The following TMOD1 variants were observed in gnomAD, a reference collection of about 807,000 sequenced individuals.
The protein encoded by TMOD1 is tropomodulin-1.
TMOD1 carries 17 observed loss-of-function variants against 40.6 expected under a neutral mutation model. That is an observed-to-expected ratio of 0.42 (90% CI 0.29 to 0.63). The LOEUF (loss-of-function observed/expected upper bound fraction) is 0.63. Among genes scored for constraint, TMOD1 ranks in the 20% least tolerant of loss-of-function variants. The probability of loss-of-function intolerance (pLI) is 0.22; values close to 1 mark genes in which losing one functional copy is unlikely to be tolerated. For synonymous variants in TMOD1, 181 were observed against 175.0 expected, an observed-to-expected ratio of 1.03 and a Z score of -0.27; for missense variants, 391 against 447.6, an observed-to-expected ratio of 0.87 and a Z score of 1.14.
chr9:97,553,379 G>A lies in TMOD1; in HGVS notation c.376G>A (p.Ala126Thr). The A allele has an allele frequency of 6.2e-7, 1 of 1,614,228 alleles. No individual in the cohort carries two copies. The highest frequency in any genetic ancestry group is 8.5e-7 in the Non-Finnish European group (1 of 1,180,034). Residue 126 changes from alanine to threonine, a missense_variant, in exon 4 of 10, where the codon GCA becomes ACA. Physicochemically the swap from Ala to Thr is moderately conservative, Grantham distance 58 (BLOSUM62 0). Coordinates refer to ENST00000259365, the MANE Select transcript of TMOD1 (RefSeq NM_003275.4). ...LEEALANASD[A>T]ELCDIAAILG... ...GGAAGCCTTGGCAAATGCTTCAGATGCAGAACTCTGTGACATTGCAGGTAA... is the reference window on the plus strand; with the variant it reads ...GGAAGCCTTGGCAAATGCTTCAGATACAGAACTCTGTGACATTGCAGGTAA...
At chr9:97,527,198 A>G (rs555808853) in intron 2 of TMOD1, among the ~76,000 whole-genome samples, 3 of 152,362 alleles carry the variant, frequency 2.0e-5, no homozygotes, top group South Asian at 4.1e-4. Context: ...TTCTAATTCT[A>G]TCCTAGATCA....
Position 97,524,120 on chromosome 9 carries a change from A to C in TMOD1, c.-48-21A>C, listed in dbSNP as rs1829959720. The stretch of plus-strand genomic sequence containing the variant: ...AGCAAATCTGAGACGGGTCTTTCTA[A>C]GGTTCTTGTCTTTCTGGTAGGTATT... On this transcript the variant is annotated intron_variant, in intron 1 of 9. Transcript: ENST00000259365. 3.9e-6 allele frequency: 6 copies of C among 1,540,228 alleles called. No individual in the cohort carries two copies. The South Asian group carries it at 6.4e-5, about 16-fold the overall frequency.
intron 3 of TMOD1, among the ~76,000 whole-genome samples, chr9:97,551,554 T>C (rs369590340): frequency 2.5e-4 from 38 of 152,352 alleles, no homozygotes; most frequent in African/African-American, 7.9e-4. Context: ...TTCTATTTCA[T>C]TGTCTATCTA....
intron 1 of TMOD1, among the ~76,000 whole-genome samples, chr9:97,503,871 T>TGGAGAG: frequency 6.6e-6 from 1 of 151,682 alleles, no homozygotes; most frequent in African/African-American, 2.4e-5. Flanking sequence ...GGACCTGGAG[T>TGGAGAG]GGAGAGGGCT....
intron 1 of TMOD1, among the ~76,000 whole-genome samples, chr9:97,510,057 G>T (rs74306820): frequency 6.6e-6 from 1 of 151,788 alleles, no homozygotes; most frequent in African/African-American, 2.4e-5. Context: ...CCAGCTTGCC[G>T]TTTGCTTTTT....
intron 1 of TMOD1, among the ~76,000 whole-genome samples, chr9:97,511,545 C>T (rs144067782): frequency 2.4e-3 from 361 of 152,300 alleles, no homozygotes; most frequent in African/African-American, 8.3e-3. Flanking sequence ...CACTACTTCC[C>T]GGCTTAGCCC....
intron 4 of TMOD1, among the ~76,000 whole-genome samples, chr9:97,558,726 G>A (rs1319158967): frequency 6.6e-6 from 1 of 152,218 alleles, no homozygotes; most frequent in Non-Finnish European, 1.5e-5. Context: ...TTACAGGCAT[G>A]AGCCACTGTG....
chr9:97,579,753 A>G (rs1415198738), intron 8 of TMOD1, among the ~76,000 whole-genome samples: 2 of 152,230 alleles, frequency 1.3e-5, no homozygotes, highest in Admixed American at 1.3e-4. Context: ...CTATAGAGGC[A>G]GGTGACCCAA....
At chr9:97,524,415 G>C in intron 2 of TMOD1, 107 bp downstream of exon 2, 1 of 1,383,426 alleles carries the variant, frequency 7.2e-7, no homozygotes, top group Non-Finnish European at 9.8e-7. Flanking sequence ...CCATGGCAAT[G>C]ACATTGGTAT....
chr9:97,592,389 A>G (rs910089594), intron 9 of TMOD1, among the ~76,000 whole-genome samples: 1 of 151,934 alleles, frequency 6.6e-6, no homozygotes, highest in Non-Finnish European at 1.5e-5. Flanking sequence ...GCCAAGTTAC[A>G]TTATTCTTAT....
rs181306610 is a variant in TMOD1, at chr9:97,518,264, G to A, written c.-48-5877G>A. 9.4e-4 allele frequency among the ~76,000 whole-genome samples: 143 copies of A among 151,526 alleles called. 1 individual carries two copies. The highest frequency in any genetic ancestry group is 1.6e-3 in the East Asian group (8 of 5,144). On this transcript the variant is annotated intron_variant, in intron 1 of 9. Coordinates refer to ENST00000259365, the MANE Select transcript of TMOD1 (RefSeq NM_003275.4). ...GGAAATTTGGATCCAGACATGTGCAGAGGGTAGACACTGCGAAGAAAAAAA... is the reference window on the plus strand; with the variant it reads ...GGAAATTTGGATCCAGACATGTGCAAAGGGTAGACACTGCGAAGAAAAAAA...
At position 97,600,370 on chromosome 9, in the gene TMOD1, C is replaced by A. The variant is rs1826228064; in HGVS notation, c.*672C>A. On this transcript the variant is annotated 3_prime_UTR_variant, in exon 10 of 10. Transcript: ENST00000259365. ...AGTTTCAAAAACCAACCTTTCATTA[C>A]CAATCCCAGGCAACAAACATGTCCC... 12 of 986,000 alleles carry A rather than the reference C, an allele frequency of 1.2e-5. No individual in the cohort carries two copies. In the South Asian group the frequency reaches 4.7e-4, roughly 39 times the overall value. 61.1% of individuals were successfully genotyped at this position (986,000 alleles called of 1,614,324 possible).
chr9:97,576,495 G>A (rs1830941406), intron 8 of TMOD1, among the ~76,000 whole-genome samples: 1 of 151,980 alleles, frequency 6.6e-6, no homozygotes, highest in South Asian at 2.1e-4. Context: ...AATGAAAAAG[G>A]CAAGTTGCAG....
intron 8 of TMOD1, among the ~76,000 whole-genome samples, chr9:97,579,043 G>A (rs539667093): frequency 1.7e-4 from 26 of 152,230 alleles, no homozygotes; most frequent in Admixed American, 7.2e-4. Flanking sequence ...TCCAAGGACC[G>A]ACCTGACCTC....
chr9:97,546,124 CA>C, intron 2 of TMOD1, 60 bp from the exon 3 acceptor site: 1 of 1,533,702 alleles, frequency 6.5e-7, no homozygotes, highest in Non-Finnish European at 8.7e-7. Flanking sequence ...AGCAGCTGAC[CA>C]CTCTCTCTTT....
At chr9:97,589,130 A>G (rs1825943763) in intron 8 of TMOD1, among the ~76,000 whole-genome samples, 1 of 150,324 alleles carries the variant, frequency 6.7e-6, no homozygotes. Context: ...AAAAAAAAAA[A>G]AAAAAGAAGA....
intron 3 of TMOD1, among the ~76,000 whole-genome samples, chr9:97,549,073 A>C (rs1269671377): frequency 1.3e-5 from 2 of 152,216 alleles, no homozygotes; most frequent in Non-Finnish European, 2.9e-5. Context: ...TTGGAAAGGG[A>C]GGCCTTCTCA....
intron 8 of TMOD1, among the ~76,000 whole-genome samples, chr9:97,589,180 C>A (rs1208469912): frequency 6.8e-6 from 1 of 148,118 alleles, no homozygotes; most frequent in Non-Finnish European, 1.5e-5. Context: ...TTTAATTATT[C>A]TCTCAGGTTC....
chr9:97,521,915 C>T (rs1829922199), intron 1 of TMOD1, among the ~76,000 whole-genome samples: 2 of 152,112 alleles, frequency 1.3e-5, no homozygotes, highest in Admixed American at 1.3e-4. Context: ...TTTTAGATGC[C>T]TTTAATTATT....
Sources: gnomAD v4.1 joint callset for allele counts (sites outside exome capture counted in the v4.1 genomes callset) on GRCh38, gnomAD v4.1.1 for gene constraint, MANE v1.5 for transcripts, NCBI Gene and HGNC (gene_info 2026-07-23, HGNC 2026-07-21) for gene names.